The following EPHA6 variants were observed in gnomAD, a reference collection of about 807,000 sequenced individuals.
EPHA6 encodes ephrin type-A receptor 6.
A neutral mutation model predicts 112.0 loss-of-function variants in EPHA6; 50 were observed. The ratio of observed to expected loss-of-function variants is 0.45; its 90% confidence interval spans 0.36 to 0.56. The LOEUF (loss-of-function observed/expected upper bound fraction) is 0.56, where lower values mean the gene tolerates loss of function less well. Ranked by LOEUF, EPHA6 falls within the 20% of genes least tolerant of loss-of-function variation. EPHA6 has a pLI of 0.00. For synonymous variants in EPHA6, 529 were observed against 490.7 expected (o/e 1.08, Z -1.03); for missense variants, 1,280 against 1,417.4 (o/e 0.90, Z 1.56).
intron 5 of EPHA6, among the ~76,000 whole-genome samples, chr3:97,404,287 C>T (rs1485293704): frequency 6.8e-6 from 1 of 147,834 alleles, no homozygotes; most frequent in Non-Finnish European, 1.5e-5. Context: ...GTATTTTATC[C>T]TACAGCCTAG....
At chr3:97,454,349 A>T in intron 7 of EPHA6, among the ~76,000 whole-genome samples, 1 of 151,986 alleles carries the variant, frequency 6.6e-6, no homozygotes, top group Middle Eastern at 3.4e-3. Context: ...TCCAATATAC[A>T]TGTAATCAAA....
At chr3:97,618,899 C>T (rs1429102355) in intron 13 of EPHA6, among the ~76,000 whole-genome samples, 1 of 152,004 alleles carries the variant, frequency 6.6e-6, no homozygotes, top group Non-Finnish European at 1.5e-5. Flanking sequence ...AGGACTCCAC[C>T]ATAACTCATT....
intron 14 of EPHA6, among the ~76,000 whole-genome samples, chr3:97,686,413 A>G (rs2032254435): frequency 6.6e-6 from 1 of 152,182 alleles, no homozygotes; most frequent in Non-Finnish European, 1.5e-5. Context: ...GGAGAGATAA[A>G]CAGAAATAAG....
At chr3:97,008,013 C>G (rs1328669533) in intron 3 of EPHA6, among the ~76,000 whole-genome samples, 1 of 152,152 alleles carries the variant, frequency 6.6e-6, no homozygotes, top group Non-Finnish European at 1.5e-5. Flanking sequence ...GTAACCTGGC[C>G]TTTCTCCCTG....
chr3:97,669,997 G>A (rs2030638066), intron 14 of EPHA6, among the ~76,000 whole-genome samples: 1 of 152,092 alleles, frequency 6.6e-6, no homozygotes, highest in Admixed American at 6.6e-5. Context: ...TTTGATGAAA[G>A]GCCCAGATCA....
At chr3:96,960,091 CAG>C (rs1252029918) in intron 2 of EPHA6, among the ~76,000 whole-genome samples, 2 of 152,118 alleles carry the variant, frequency 1.3e-5, no homozygotes, top group Non-Finnish European at 2.9e-5. Flanking sequence ...AGGAGTGCCT[CAG>C]AGTTATTTTA....
chr3:97,294,778 T>C (rs1439955491), intron 5 of EPHA6, among the ~76,000 whole-genome samples: 4 of 152,200 alleles, frequency 2.6e-5, no homozygotes, highest in African/African-American at 9.6e-5. Flanking sequence ...ATTTATTATC[T>C]GGTTGGTCTA....
chr3:97,018,677 T>C lies in EPHA6; in HGVS notation c.1114+30684T>C, dbSNP rs190518971. Reference sequence around the variant, plus strand: ...TACAGGATGGAACATGAAGGCGGACTAGGAGCATGACCACTGAAGCACAGC... The same window carrying C: ...TACAGGATGGAACATGAAGGCGGACCAGGAGCATGACCACTGAAGCACAGC... On this transcript the variant is annotated intron_variant, in intron 3 of 17. Coordinates refer to ENST00000389672, the MANE Select transcript of EPHA6 (RefSeq NM_001080448.3). Among the ~76,000 whole-genome samples the C allele has an allele frequency of 6.0e-3, 920 of 152,330 alleles. 8 individuals are homozygous for C. Among genetic ancestry groups the C allele is most frequent in the Non-Finnish European group, 1.0e-2 (679 of 68,016 alleles).
At chr3:97,489,118 A>G (rs976854417) in intron 10 of EPHA6, among the ~76,000 whole-genome samples, 10 of 152,202 alleles carry the variant, frequency 6.6e-5, no homozygotes, top group Non-Finnish European at 1.2e-4. Flanking sequence ...CAGGATTAAT[A>G]AAAGGATTAG....
chr3:97,100,258 T>C (rs1417548788), intron 3 of EPHA6, among the ~76,000 whole-genome samples: 1 of 149,328 alleles, frequency 6.7e-6, no homozygotes, highest in Non-Finnish European at 1.5e-5. Context: ...ATATATTTTA[T>C]ATATATATAG....
At chr3:97,331,216 A>T (rs2082781637) in intron 5 of EPHA6, among the ~76,000 whole-genome samples, 1 of 152,156 alleles carries the variant, frequency 6.6e-6, no homozygotes, top group South Asian at 2.1e-4. Context: ...AAGACACAAC[A>T]TACCAGAATC....
intron 3 of EPHA6, among the ~76,000 whole-genome samples, chr3:97,145,093 A>G (rs2076006730): frequency 6.6e-6 from 1 of 151,542 alleles, no homozygotes; most frequent in South Asian, 2.1e-4. Flanking sequence ...CTGTGTATAT[A>G]TAGAACTGTA....
intron 12 of EPHA6, among the ~76,000 whole-genome samples, chr3:97,607,610 G>T (rs2093689448): frequency 6.6e-6 from 1 of 151,196 alleles, no homozygotes; most frequent in African/African-American, 2.4e-5. Context: ...ATCTTTGAAA[G>T]TCTCTTAAAT....
intron 14 of EPHA6, among the ~76,000 whole-genome samples, chr3:97,690,050 GT>G (rs1371210840): frequency 6.6e-6 from 1 of 152,126 alleles, no homozygotes; most frequent in Non-Finnish European, 1.5e-5. Context: ...CATTTGGGTT[GT>G]TTCTGTTTTT....
At chr3:97,003,765 C>T (rs1576301206) in intron 3 of EPHA6, among the ~76,000 whole-genome samples, 2 of 151,446 alleles carry the variant, frequency 1.3e-5, no homozygotes, top group East Asian at 1.9e-4. Context: ...CCTATTGACC[C>T]GTCCTCTAAA....
chr3:97,500,329 G>A (rs997736654), intron 10 of EPHA6, among the ~76,000 whole-genome samples: 2 of 151,998 alleles, frequency 1.3e-5, no homozygotes, highest in Non-Finnish European at 2.9e-5. Context: ...AATTCGACAG[G>A]TTGTACAGGA....
chr3:97,187,281 G>A (rs1178261593), intron 3 of EPHA6, among the ~76,000 whole-genome samples: 1 of 151,924 alleles, frequency 6.6e-6, no homozygotes, highest in Non-Finnish European at 1.5e-5. Flanking sequence ...CTTCTACTTA[G>A]GAATGCCATA....
chr3:97,230,418 A>G (rs1278672285), intron 4 of EPHA6, among the ~76,000 whole-genome samples: 1 of 152,156 alleles, frequency 6.6e-6, no homozygotes, highest in Admixed American at 6.6e-5. Flanking sequence ...TAAATTTGCT[A>G]TCATTTCTAA....
At chr3:96,959,488 A>C (rs990829393) in intron 2 of EPHA6, among the ~76,000 whole-genome samples, 1 of 152,076 alleles carries the variant, frequency 6.6e-6, no homozygotes, top group Non-Finnish European at 1.5e-5. Flanking sequence ...TTTGAAGCAC[A>C]GATATTTTTA....
Sources: gnomAD v4.1 joint callset for allele counts (sites outside exome capture counted in the v4.1 genomes callset) on GRCh38, gnomAD v4.1.1 for gene constraint, MANE v1.5 for transcripts, NCBI Gene and HGNC (gene_info 2026-07-23, HGNC 2026-07-21) for gene names.